The following TRIM67 variants were observed in gnomAD, a reference collection of about 807,000 sequenced individuals.
The protein encoded by TRIM67 is tripartite motif containing 67, also known as tripartite motif-containing protein 67.
A neutral mutation model predicts 71.0 loss-of-function variants in TRIM67; 39 were observed. The ratio of observed to expected loss-of-function variants is 0.55; its 90% confidence interval spans 0.43 to 0.72. The LOEUF (loss-of-function observed/expected upper bound fraction) is 0.72. Ranked by LOEUF, TRIM67 falls within the 30% of genes least tolerant of loss-of-function variation. The pLI, the probability that TRIM67 is intolerant of heterozygous loss-of-function variation, is 0.00. For synonymous variants in TRIM67, 481 were observed against 473.9 expected, an observed-to-expected ratio of 1.01 and a Z score of -0.19; for missense variants, 973 against 1,079.2, an observed-to-expected ratio of 0.90 and a Z score of 1.38.
intron 2 of TRIM67, among the ~76,000 whole-genome samples, chr1:231,198,332 G>A (rs1276566348): frequency 6.6e-6 from 1 of 152,180 alleles, no homozygotes; most frequent in African/African-American, 2.4e-5. Context: ...TGCACACATA[G>A]AGGAACTGCT....
Position 231,206,663 on chromosome 1 carries a change from C to T in TRIM67, c.1692C>T (p.Val564=), listed in dbSNP as rs964749848. The T allele has an allele frequency of 3.1e-6, 5 of 1,603,150 alleles. No homozygotes were observed. Among genetic ancestry groups the T allele is most frequent in the Non-Finnish European group, 4.3e-6 (5 of 1,175,034 alleles). ...TTGCTCTCTTTCAGGAAGTGTACGT[C>T]GGTAAGGAGACTTTGTGTACCATCG... ...GAGGQFREVY[V]GKETLCTIDG... The change falls in exon 7 of 10, where the codon GTC becomes GTT. Residue 564 remains valine, a synonymous_variant. Coordinates refer to ENST00000366653, the MANE Select transcript of TRIM67 (RefSeq NM_001004342.5).
At position 231,216,979 on chromosome 1, in the gene TRIM67, C is replaced by T; in HGVS notation, c.*1539C>T. The T allele has an allele frequency of 1.0e-6, 1 of 985,852 alleles. No homozygotes were observed. The highest frequency in any genetic ancestry group is 1.2e-6 in the Non-Finnish European group (1 of 829,948). 61.1% of individuals were successfully genotyped at this position (985,852 alleles called of 1,614,324 possible). A position where few individuals can be genotyped will look rare whatever the true frequency, so the allele number is the denominator to read the frequency against. On this transcript the variant is annotated 3_prime_UTR_variant, in exon 10 of 10. Transcript: ENST00000366653. ...TTTCTGAGGCTGAGAAGTGACTTGT[C>T]AATTTGCTGGACTGGATTTTTATAA...
At position 231,216,432 on chromosome 1, in the gene TRIM67, G is replaced by A. The variant is rs60708589; in HGVS notation, c.*992G>A. The A allele has an allele frequency of 0.027, 26,324 of 985,250 alleles. 1,375 individuals carry two copies. Among genetic ancestry groups the A allele is most frequent in the African/African-American group, 0.2 (11,638 of 57,272 alleles). 61.0% of individuals were successfully genotyped at this position (985,250 alleles called of 1,614,324 possible). A position where few individuals can be genotyped will look rare whatever the true frequency, so the allele number is the denominator to read the frequency against. On this transcript the variant is annotated 3_prime_UTR_variant, in exon 10 of 10. Transcript: ENST00000366653. ...TGATGGCTCCTTTCTGAAACTGGCA[G>A]CCCAAGAAGTTAACTGAAAATGCAT...
intron 1 of TRIM67, among the ~76,000 whole-genome samples, chr1:231,172,642 TG>T (rs892076913): frequency 1.3e-5 from 2 of 152,224 alleles, no homozygotes; most frequent in African/African-American, 4.8e-5. Flanking sequence ...AAGGAGAGGC[TG>T]GGCCTTAGTC....
At position 231,215,762 on chromosome 1, in the gene TRIM67, T is replaced by G; in HGVS notation, c.*322T>G. ...CTTCATGTCTATGTTTCCTGCCATC[T>G]GTTTTCAAAGCTTGTCTTTTTTTGG... is the stretch of plus-strand genomic sequence containing the variant. On this transcript the variant is annotated 3_prime_UTR_variant, in exon 10 of 10. Transcript: ENST00000366653. 8.8e-7 allele frequency: 1 copy of G among 1,135,412 alleles called. No homozygotes were observed. Among genetic ancestry groups the G allele is most frequent in the Non-Finnish European group, 1.1e-6 (1 of 926,280 alleles). The allele number at this position is 1,135,412 out of a possible 1,614,324, so 70.3% of individuals were successfully genotyped here.
At chr1:231,201,545 C>G (rs781057742) in intron 5 of TRIM67, 28 bp downstream of exon 5, 2 of 1,607,450 alleles carry the variant, frequency 1.2e-6, no homozygotes, top group South Asian at 2.2e-5. Flanking sequence ...CCAGTTCAGT[C>G]AGTGCTTCTT....
At chr1:231,175,514 T>C (rs766988037) in intron 1 of TRIM67, among the ~76,000 whole-genome samples, 1 of 152,170 alleles carries the variant, frequency 6.6e-6, no homozygotes, top group African/African-American at 2.4e-5. Flanking sequence ...AACATCCACA[T>C]ATTGGGCCAG....
At chr1:231,180,880 A>G (rs1396833074) in intron 1 of TRIM67, among the ~76,000 whole-genome samples, 1 of 152,134 alleles carries the variant, frequency 6.6e-6, no homozygotes, top group African/African-American at 2.4e-5. Context: ...CTATCACTCT[A>G]AGGCTGGGCC....
intron 1 of TRIM67, chr1:231,184,771 G>C (rs375693987): frequency 3.6e-6 from 2 of 550,334 alleles, no homozygotes; most frequent in African/African-American, 1.9e-5. Context: ...CATGAGTAGA[G>C]TGCCAGTCCC....
intron 1 of TRIM67, among the ~76,000 whole-genome samples, chr1:231,189,165 T>C (rs1683167635): frequency 6.6e-6 from 1 of 152,184 alleles, no homozygotes; most frequent in Admixed American, 6.5e-5. Flanking sequence ...CGTGACTTCA[T>C]TGAGTGCACA....
Position 231,184,622 on chromosome 1 carries a change from C to T in TRIM67, c.1045-12749C>T, listed in dbSNP as rs1347256414. ...AATTCCAGCCCTACCAGGCTGTGCT[C>T]AGTGGAGAAAAGGCAACTTCTCAAA... On this transcript the variant is annotated intron_variant, in intron 1 of 9. Coordinates refer to ENST00000366653, the MANE Select transcript of TRIM67 (RefSeq NM_001004342.5). 1.4e-5 allele frequency: 3 copies of T among 213,116 alleles called. 1 individual carries two copies. The highest frequency in any genetic ancestry group is 4.7e-5 in the African/African-American group (2 of 42,526). 13.2% of individuals were successfully genotyped at this position (213,116 alleles called of 1,614,324 possible).
intron 1 of TRIM67, among the ~76,000 whole-genome samples, chr1:231,169,178 C>T (rs1335584410): frequency 2.0e-5 from 3 of 151,902 alleles, no homozygotes; most frequent in Admixed American, 6.6e-5. Context: ...CTCAGCCTCC[C>T]GAGTAGCTGG....
chr1:231,199,644 A>G (rs919899639), intron 3 of TRIM67, among the ~76,000 whole-genome samples: 1 of 152,220 alleles, frequency 6.6e-6, no homozygotes, highest in Non-Finnish European at 1.5e-5. Flanking sequence ...CCAGGCACCC[A>G]TGAACTCTCT....
rs547348027 is a variant in TRIM67, at chr1:231,169,020, T to C, written c.1044+5007T>C. Among the ~76,000 whole-genome samples the C allele has an allele frequency of 2.0e-5, 3 of 152,306 alleles. 1 individual carries two copies. The highest frequency in any genetic ancestry group is 4.8e-5 in the African/African-American group (2 of 41,578). On this transcript the variant is annotated intron_variant, in intron 1 of 9. Coordinates refer to ENST00000366653, the MANE Select transcript of TRIM67 (RefSeq NM_001004342.5). ...TCTCAGAGCATGTGGCATGGAAATA[T>C]GCTCATTCTCATTCTGAGTGGAAGC...
intron 1 of TRIM67, among the ~76,000 whole-genome samples, chr1:231,190,556 G>A (rs537453952): frequency 1.0e-3 from 159 of 152,234 alleles, no homozygotes; most frequent in African/African-American, 3.1e-3. Context: ...TGCGGCCCCC[G>A]GCGTAACATA....
Position 231,218,667 on chromosome 1 carries a change from A to C in TRIM67, c.*3227A>C, listed in dbSNP as rs1166299777. The C allele has an allele frequency of 1.0e-6, 1 of 985,304 alleles. No individual in the cohort carries two copies. The highest frequency in any genetic ancestry group is 1.2e-6 in the Non-Finnish European group (1 of 829,946). 61.0% of individuals were successfully genotyped at this position (985,304 alleles called of 1,614,324 possible). On this transcript the variant is annotated 3_prime_UTR_variant, in exon 10 of 10. Transcript: ENST00000366653. Reference sequence around the variant, plus strand: ...GTAATACTGACCCACAAGGTAACTGACCTAAACACTATAAAACTGTATATA... The same window carrying C: ...GTAATACTGACCCACAAGGTAACTGCCCTAAACACTATAAAACTGTATATA...
At chr1:231,166,840 G>A (rs554145444) in intron 1 of TRIM67, among the ~76,000 whole-genome samples, 1 of 152,332 alleles carries the variant, frequency 6.6e-6, no homozygotes, top group African/African-American at 2.4e-5. Context: ...AATTTCTTGG[G>A]AGAGGATTAA....
intron 1 of TRIM67, among the ~76,000 whole-genome samples, chr1:231,172,625 A>G (rs1241282724): frequency 1.3e-5 from 2 of 152,126 alleles, no homozygotes; most frequent in Non-Finnish European, 1.5e-5. Context: ...GCCAGCACTC[A>G]CTCCAGAAGG....
intron 1 of TRIM67, among the ~76,000 whole-genome samples, chr1:231,181,215 C>T (rs376613751): frequency 1.3e-5 from 2 of 152,200 alleles, no homozygotes; most frequent in South Asian, 2.1e-4. Flanking sequence ...CCACCCTCTT[C>T]GGCCTCCCAA....
Sources: gnomAD v4.1 joint callset for allele counts (sites outside exome capture counted in the v4.1 genomes callset) on GRCh38, gnomAD v4.1.1 for gene constraint, MANE v1.5 for transcripts, NCBI Gene and HGNC (gene_info 2026-07-23, HGNC 2026-07-21) for gene names.